The following CUBN variants were observed in gnomAD, a reference collection of about 807,000 sequenced individuals.
CUBN encodes the protein 460 kDa receptor.
CUBN carries 282 observed loss-of-function variants against 405.3 expected under a neutral mutation model. The observed-to-expected ratio is 0.70, with a 90% CI of 0.63 to 0.77. CUBN has a LOEUF of 0.77. CUBN is among the 30% of genes least tolerant of loss of function. The probability of loss-of-function intolerance (pLI) is 0.00; values close to 1 mark genes in which losing one functional copy is unlikely to be tolerated. For missense variants in CUBN, 4,514 were observed against 4,475.2 expected, an observed-to-expected ratio of 1.01 and a Z score of -0.25; for synonymous variants, 1,684 against 1,617.0, an observed-to-expected ratio of 1.04 and a Z score of -0.99.
Position 16,891,898 on chromosome 10 carries a change from C to T in CUBN, c.8599-1371G>A, listed in dbSNP as rs79721918. Among the ~76,000 whole-genome samples the T allele has an allele frequency of 1.4e-3, 218 of 152,130 alleles. 6 individuals are homozygous for T. The East Asian group carries it at 0.039, about 27-fold the overall frequency. ...GACTATTGCTACACAATCTGCAATA[C>T]CCAATATGCCCTTTCTATCAACAGA... On this transcript the variant is annotated intron_variant, in intron 54 of 66. Transcript: ENST00000377833.
At position 16,854,667 on chromosome 10, in the gene CUBN, T is replaced by C. The variant is rs188885645; in HGVS notation, c.9455-3224A>G. On this transcript the variant is annotated intron_variant, in intron 59 of 66. Coordinates refer to ENST00000377833, the MANE Select transcript of CUBN (RefSeq NM_001081.4). ...AAAAACTAAATGTTATTTTTAAACA[T>C]TCAAGCTATATTTATCACTACTTGT... Among the ~76,000 whole-genome samples the C allele has an allele frequency of 1.2e-3, 187 of 152,324 alleles. 1 individual carries two copies. The highest frequency in any genetic ancestry group is 4.1e-3 in the African/African-American group (170 of 41,580).
intron 31 of CUBN, among the ~76,000 whole-genome samples, chr10:16,974,622 C>T (rs1336603194): frequency 6.6e-6 from 1 of 152,114 alleles, no homozygotes; most frequent in Non-Finnish European, 1.5e-5. Context: ...CCCCCCGCCT[C>T]GGCCTCCTAA....
At chr10:16,974,441 T>C (rs79987036) in intron 31 of CUBN, among the ~76,000 whole-genome samples, 3 of 151,906 alleles carry the variant, frequency 2.0e-5, no homozygotes, top group African/African-American at 7.2e-5. Flanking sequence ...TTTTTTTTTT[T>C]GAGAGGGAGT....
intron 28 of CUBN, among the ~76,000 whole-genome samples, chr10:17,013,632 C>T (rs1307846361): frequency 2.6e-5 from 4 of 152,200 alleles, no homozygotes; most frequent in African/African-American, 7.2e-5. Flanking sequence ...AGGTTAGGAA[C>T]TCCCTTTCTT....
At position 17,124,385 on chromosome 10, in the gene CUBN, GA is replaced by G. The variant is rs1564524805; in HGVS notation, c.388-697del. Among the ~76,000 whole-genome samples, 5 of 152,076 alleles carry G rather than the reference GA, an allele frequency of 3.3e-5. No individual in the cohort carries two copies. The South Asian group carries it at 8.3e-4, about 25-fold the overall frequency. On this transcript the variant is annotated intron_variant, in intron 4 of 66. Coordinates refer to ENST00000377833, the MANE Select transcript of CUBN (RefSeq NM_001081.4). ...GATTTTTACTGCCTTTGGGTGCAGA[GA>G]AAACTTCTTTTTTTTCTTTTTTCTT...
In CUBN at chr10:16,836,532, C is replaced by T. The variant is rs553983849; in HGVS notation, c.10033-150G>A. 5.8e-4 allele frequency: 457 copies of T among 787,984 alleles called. 1 individual carries two copies. The highest frequency in any genetic ancestry group is 8.7e-4 in the Non-Finnish European group (409 of 470,374). 48.8% of individuals were successfully genotyped at this position (787,984 alleles called of 1,614,324 possible). A position where few individuals can be genotyped will look rare whatever the true frequency, so the allele number is the denominator to read the frequency against. The stretch of plus-strand genomic sequence containing the variant: ...TGGAAGTGCTCTGCAAGAAGACTCA[C>T]GTTGGCCTTGGAATTGATGCAAGTT... On this transcript the variant is annotated intron_variant, in intron 62 of 66. Transcript: ENST00000377833.
intron 31 of CUBN, chr10:16,966,034 G>GA: frequency 2.1e-6 from 1 of 469,656 alleles, no homozygotes; most frequent in East Asian, 7.0e-5. Context: ...GAGAGACCAT[G>GA]ATTCTGTGAA....
chr10:17,082,914 T>C (rs2131861624), intron 17 of CUBN, among the ~76,000 whole-genome samples: 1 of 152,268 alleles, frequency 6.6e-6, no homozygotes, highest in South Asian at 2.1e-4. Flanking sequence ...CGAAAAGCAC[T>C]TACCACACAT....
intron 31 of CUBN, among the ~76,000 whole-genome samples, chr10:16,969,028 A>C (rs1170078389): frequency 1.3e-5 from 2 of 152,230 alleles, no homozygotes; most frequent in Admixed American, 1.3e-4. Context: ...AAGTCAAAAA[A>C]TCCAGTTTTT....
At chr10:17,104,959 C>T (rs577028970) in intron 11 of CUBN, among the ~76,000 whole-genome samples, 4 of 151,624 alleles carry the variant, frequency 2.6e-5, no homozygotes, top group African/African-American at 9.7e-5. Flanking sequence ...CAGGCACGCG[C>T]CACCACACCT....
intron 56 of CUBN, among the ~76,000 whole-genome samples, chr10:16,881,563 A>G (rs990669423): frequency 3.3e-5 from 5 of 152,232 alleles, no homozygotes; most frequent in African/African-American, 1.2e-4. Flanking sequence ...ATATCAACTA[A>G]CTAAACAAAT....
intron 28 of CUBN, among the ~76,000 whole-genome samples, chr10:17,010,501 C>T (rs1181610055): frequency 2.0e-5 from 3 of 151,892 alleles, no homozygotes; most frequent in African/African-American, 7.3e-5. Context: ...ATGCCAGGTG[C>T]AGTGGTACAC....
intron 30 of CUBN, among the ~76,000 whole-genome samples, chr10:16,983,667 T>C (rs3012491): frequency 0.76 from 115,718 of 152,216 alleles, 46,512 homozygotes; most frequent in Non-Finnish European, 0.9. Flanking sequence ...AAATATACAA[T>C]AGGCAATTTA....
At chr10:16,910,432 A>T (rs1283361987) in intron 48 of CUBN, among the ~76,000 whole-genome samples, 2 of 152,242 alleles carry the variant, frequency 1.3e-5, no homozygotes, top group Non-Finnish European at 2.9e-5. Context: ...GAATGTGGAC[A>T]TTAGAACTAA....
chr10:17,067,042 C>T (rs1835626303), intron 21 of CUBN, among the ~76,000 whole-genome samples: 1 of 152,102 alleles, frequency 6.6e-6, no homozygotes, highest in South Asian at 2.1e-4. Context: ...CAGAACAACG[C>T]TCATGAATAC....
intron 17 of CUBN, among the ~76,000 whole-genome samples, chr10:17,077,421 C>T (rs542346372): frequency 1.2e-4 from 19 of 152,278 alleles, no homozygotes; most frequent in Middle Eastern, 6.8e-3. Flanking sequence ...CCTAGTGAGT[C>T]GTGAGCTTTA....
chr10:17,088,589 C>T (rs1836181219), intron 14 of CUBN, among the ~76,000 whole-genome samples: 1 of 152,192 alleles, frequency 6.6e-6, no homozygotes, highest in East Asian at 1.9e-4. Flanking sequence ...CCATCACATG[C>T]TGACACTATT....
chr10:17,127,424 C>T (rs1328846458), intron 3 of CUBN, among the ~76,000 whole-genome samples: 1 of 146,104 alleles, frequency 6.8e-6, no homozygotes, highest in Admixed American at 6.9e-5. Context: ...TGCCACCATG[C>T]CCAGCTATTT....
chr10:16,875,232 C>G (rs1012749694), intron 57 of CUBN, among the ~76,000 whole-genome samples: 5 of 152,040 alleles, frequency 3.3e-5, no homozygotes, highest in African/African-American at 1.2e-4. Context: ...AATAAAACGA[C>G]AGACATAAAA....
Sources: allele counts gnomAD v4.1 joint callset (sites outside exome capture counted in the v4.1 genomes callset), GRCh38; gene constraint gnomAD v4.1.1; transcripts MANE v1.5; gene names NCBI Gene and HGNC (gene_info 2026-07-23, HGNC 2026-07-21).